Variants in FHIT observed in about 807,000 individuals in gnomAD.
FHIT encodes the protein bis(5'-adenosyl)-triphosphatase.
In FHIT, 19 loss-of-function variants were observed where a neutral mutation model predicts 17.9. That is an observed-to-expected ratio of 1.06 (90% confidence interval 0.74 to 1.56). The LOEUF is 1.56. FHIT is among the 40% of genes most tolerant of loss of function. The pLI is 0.00. For synonymous variants in FHIT, 81 were observed against 69.7 expected, an observed-to-expected ratio of 1.16 and a Z score of -0.81; for missense variants, 248 against 189.2, an observed-to-expected ratio of 1.31 and a Z score of -1.82.
chr3:60,262,710 T>C (rs1337216618), intron 5 of FHIT, among the ~76,000 whole-genome samples: 1 of 151,960 alleles, frequency 6.6e-6, no homozygotes, highest in Non-Finnish European at 1.5e-5. Flanking sequence ...AAATAAACAT[T>C]TCCTGTTCAG....
chr3:59,762,970 C>A (rs1444917871), intron 8 of FHIT, among the ~76,000 whole-genome samples: 2 of 152,216 alleles, frequency 1.3e-5, no homozygotes, highest in African/African-American at 4.8e-5. Context: ...TGTGATGAAG[C>A]AGACTTCGGA....
At chr3:60,518,177 A>G (rs1576799501) in intron 5 of FHIT, among the ~76,000 whole-genome samples, 1 of 152,242 alleles carries the variant, frequency 6.6e-6, no homozygotes, top group South Asian at 2.1e-4. Context: ...AAATTTCTAC[A>G]TGTTAATAAC....
At chr3:60,717,043 TAGAA>T (rs1559665688) in intron 4 of FHIT, among the ~76,000 whole-genome samples, 1 of 152,076 alleles carries the variant, frequency 6.6e-6, no homozygotes, top group Non-Finnish European at 1.5e-5. Context: ...AAGCCAAACA[TAGAA>T]AGACAAATAC....
chr3:60,646,731 G>A (rs534669543), intron 4 of FHIT, among the ~76,000 whole-genome samples: 15 of 152,244 alleles, frequency 9.9e-5, no homozygotes, highest in African/African-American at 3.4e-4. Context: ...TTGACATGGC[G>A]TTACTCACAG....
In FHIT at chr3:61,176,266, G is replaced by T. The variant is rs1480449904; in HGVS notation, c.-164+24351C>A. ...ATCAAATAACATATCAGCAATTCAT[G>T]CCCCACTGATAGTAGAAAAGTGCTG... On this transcript the variant is annotated intron_variant, in intron 2 of 9. Transcript: ENST00000492590. Among the ~76,000 whole-genome samples the T allele has an allele frequency of 2.0e-5, 3 of 152,264 alleles. 1 individual carries two copies. The South Asian group carries it at 6.2e-4, about 32-fold the overall frequency.
intron 4 of FHIT, among the ~76,000 whole-genome samples, chr3:60,728,200 C>T (rs1479281321): frequency 2.0e-5 from 3 of 152,102 alleles, no homozygotes; most frequent in Non-Finnish European, 4.4e-5. Flanking sequence ...CAGTGTTGAC[C>T]ACAAAAATAC....
At chr3:60,532,905 C>T (rs890904890) in intron 5 of FHIT, among the ~76,000 whole-genome samples, 14 of 152,104 alleles carry the variant, frequency 9.2e-5, no homozygotes, top group African/African-American at 3.4e-4. Context: ...TCAAAGATGA[C>T]ATTTACAAGC....
intron 5 of FHIT, among the ~76,000 whole-genome samples, chr3:60,058,693 T>A (rs1057088911): frequency 2.6e-5 from 4 of 152,138 alleles, no homozygotes. Context: ...GATGATCTAC[T>A]CCAGGCATGC....
chr3:60,371,155 C>T (rs537277574), intron 5 of FHIT, among the ~76,000 whole-genome samples: 1 of 152,138 alleles, frequency 6.6e-6, no homozygotes, highest in South Asian at 2.1e-4. Context: ...TTACTGGACT[C>T]TATTTGAAAT....
At chr3:60,573,867 T>G (rs182178352) in intron 4 of FHIT, among the ~76,000 whole-genome samples, 8 of 152,176 alleles carry the variant, frequency 5.3e-5, no homozygotes, top group Non-Finnish European at 1.0e-4. Flanking sequence ...TGGGGCGCAG[T>G]GACGTGATCT....
At chr3:61,058,302 G>GT (rs899156203) in intron 2 of FHIT, among the ~76,000 whole-genome samples, 10 of 152,158 alleles carry the variant, frequency 6.6e-5, no homozygotes, top group Admixed American at 5.9e-4. Context: ...TTCCATGATA[G>GT]TTTCCAATAA....
At chr3:60,537,537 C>T (rs1245637583) in intron 4 of FHIT, 1 of 846,232 alleles carries the variant, frequency 1.2e-6, no homozygotes, top group Non-Finnish European at 1.4e-6. Context: ...AGAAAAAAAA[C>T]ATTTAAAAAG....
At chr3:59,907,454 G>T (rs1006315475) in intron 8 of FHIT, among the ~76,000 whole-genome samples, 2 of 152,230 alleles carry the variant, frequency 1.3e-5, no homozygotes, top group Non-Finnish European at 2.9e-5. Flanking sequence ...GTGTGAGAGA[G>T]AAATGATTCA....
chr3:60,207,745 A>C (rs1236648091), intron 5 of FHIT, among the ~76,000 whole-genome samples: 3 of 152,176 alleles, frequency 2.0e-5, no homozygotes. Flanking sequence ...TCATTCTGAT[A>C]TGTTTTAGGG....
chr3:60,521,770 T>C (rs1004588920), intron 5 of FHIT, among the ~76,000 whole-genome samples: 1 of 152,196 alleles, frequency 6.6e-6, no homozygotes, highest in Non-Finnish European at 1.5e-5. Flanking sequence ...TCCAATTCCC[T>C]GTCCAAAGCT....
chr3:60,055,485 G>A (rs1702045606), intron 5 of FHIT, among the ~76,000 whole-genome samples: 1 of 145,190 alleles, frequency 6.9e-6, no homozygotes, highest in Non-Finnish European at 1.5e-5. Flanking sequence ...ATTTATTTCT[G>A]AGGCTCTCAG....
intron 4 of FHIT, among the ~76,000 whole-genome samples, chr3:60,735,254 C>G (rs1384288276): frequency 6.6e-6 from 1 of 152,190 alleles, no homozygotes; most frequent in African/African-American, 2.4e-5. Flanking sequence ...CAATGGACAT[C>G]TATGAGTTTC....
At chr3:60,501,325 CA>C (rs761687250) in intron 5 of FHIT, among the ~76,000 whole-genome samples, 16 of 152,250 alleles carry the variant, frequency 1.1e-4, no homozygotes, top group Admixed American at 7.8e-4. Flanking sequence ...TACATAAACA[CA>C]AAATTTAAAC....
At chr3:59,756,930 C>G (rs891929537) in intron 8 of FHIT, among the ~76,000 whole-genome samples, 1 of 152,082 alleles carries the variant, frequency 6.6e-6, no homozygotes, top group African/African-American at 2.4e-5. Context: ...GTCCTATAAC[C>G]AAAAGTGTGT....
Sources: gnomAD v4.1 joint callset for allele counts (sites outside exome capture counted in the v4.1 genomes callset) on GRCh38, gnomAD v4.1.1 for gene constraint, MANE v1.5 for transcripts, NCBI Gene and HGNC (gene_info 2026-07-23, HGNC 2026-07-21) for gene names.